Variants in CTNNA3 observed in about 807,000 individuals in gnomAD.
CTNNA3 encodes the protein catenin alpha-3.
CTNNA3 carries 76 observed loss-of-function variants against 95.7 expected under a neutral mutation model. That is an observed-to-expected ratio of 0.79 (90% CI 0.66 to 0.96). The LOEUF (loss-of-function observed/expected upper bound fraction) is 0.96. Among genes scored for constraint, CTNNA3 ranks in the 40% least tolerant of loss-of-function variants. The pLI, the probability that CTNNA3 is intolerant of heterozygous loss-of-function variation, is 0.00. For missense variants in CTNNA3, 1,191 were observed against 1,089.8 expected (o/e 1.09, Z -1.31); for synonymous variants, 431 against 374.4 (o/e 1.15, Z -1.74).
intron 3 of CTNNA3, among the ~76,000 whole-genome samples, chr10:67,544,124 G>C (rs1724314266): frequency 6.6e-6 from 1 of 152,152 alleles, no homozygotes; most frequent in African/African-American, 2.4e-5. Context: ...GAATGTGGCT[G>C]CATATGGTTG....
chr10:66,262,563 A>C (rs2091037136), intron 13 of CTNNA3, among the ~76,000 whole-genome samples: 1 of 151,974 alleles, frequency 6.6e-6, no homozygotes, highest in Non-Finnish European at 1.5e-5. Flanking sequence ...CAAGTTTTAT[A>C]ACAACAGCCA....
intron 15 of CTNNA3, 150 bp downstream of exon 15, chr10:66,069,158 T>C: frequency 2.9e-6 from 2 of 700,988 alleles, no homozygotes; most frequent in Non-Finnish European, 4.8e-6. Flanking sequence ...ACCTCTAGAA[T>C]TGTACACCTA....
chr10:67,392,928 G>C (rs564897180), intron 5 of CTNNA3, among the ~76,000 whole-genome samples: 9 of 152,240 alleles, frequency 5.9e-5, no homozygotes. Context: ...AAGCAGGAGG[G>C]ATAGCATTGG....
intron 7 of CTNNA3, among the ~76,000 whole-genome samples, chr10:67,045,705 C>T (rs1854696087): frequency 6.6e-6 from 1 of 152,076 alleles, no homozygotes; most frequent in Non-Finnish European, 1.5e-5. Flanking sequence ...GCGGGGATAG[C>T]GGGGGACCGA....
At chr10:67,364,007 G>T (rs544282328) in intron 5 of CTNNA3, among the ~76,000 whole-genome samples, 4 of 152,248 alleles carry the variant, frequency 2.6e-5, no homozygotes, top group African/African-American at 9.6e-5. Context: ...CCAAAGCCTG[G>T]CAGAGACACA....
intron 3 of CTNNA3, among the ~76,000 whole-genome samples, chr10:67,558,837 C>T (rs1029041013): frequency 1.3e-5 from 2 of 152,214 alleles, no homozygotes; most frequent in African/African-American, 4.8e-5. Context: ...GAGATTATAT[C>T]CCGCACATGG....
chr10:66,881,572 A>G (rs1478098415), intron 7 of CTNNA3, among the ~76,000 whole-genome samples: 1 of 152,126 alleles, frequency 6.6e-6, no homozygotes, highest in African/African-American at 2.4e-5. Context: ...CAAATAAATA[A>G]TAACTTTAGA....
intron 12 of CTNNA3, among the ~76,000 whole-genome samples, chr10:66,370,088 T>A (rs2092742959): frequency 6.6e-6 from 1 of 152,180 alleles, no homozygotes; most frequent in South Asian, 2.1e-4. Context: ...TCACATGGTT[T>A]ATGTTCTCTC....
intron 7 of CTNNA3, among the ~76,000 whole-genome samples, chr10:66,946,142 T>G (rs967342397): frequency 1.3e-5 from 2 of 152,180 alleles, no homozygotes; most frequent in African/African-American, 4.8e-5. Flanking sequence ...GTAAAAATCA[T>G]AATATCTGCA....
At chr10:67,240,088 A>C (rs1865662066) in intron 5 of CTNNA3, among the ~76,000 whole-genome samples, 1 of 152,210 alleles carries the variant, frequency 6.6e-6, no homozygotes, top group Admixed American at 6.5e-5. Context: ...AGCTACATAC[A>C]AATTACTGAG....
chr10:66,910,287 G>C (rs1022905330), intron 7 of CTNNA3, among the ~76,000 whole-genome samples: 1 of 152,290 alleles, frequency 6.6e-6, no homozygotes, highest in Admixed American at 6.5e-5. Flanking sequence ...TGCAAGTAAT[G>C]ACAAAAGGGT....
At chr10:66,168,352 T>C (rs1408302830) in intron 13 of CTNNA3, among the ~76,000 whole-genome samples, 2 of 53,342 alleles carry the variant, frequency 3.7e-5, no homozygotes, top group African/African-American at 1.5e-4. Flanking sequence ...AGGTATCCAT[T>C]TATTATTTTT....
chr10:67,562,282 T>G (rs1841545212), intron 3 of CTNNA3, among the ~76,000 whole-genome samples: 1 of 152,162 alleles, frequency 6.6e-6, no homozygotes, highest in South Asian at 2.1e-4. Context: ...ATCAAAAAGC[T>G]TATCCACCAT....
At chr10:65,963,497 C>T (rs1186455638) in intron 17 of CTNNA3, among the ~76,000 whole-genome samples, 1 of 152,218 alleles carries the variant, frequency 6.6e-6, no homozygotes, top group Non-Finnish European at 1.5e-5. Context: ...CTTGCCTGCT[C>T]TGCACATCAA....
intron 9 of CTNNA3, among the ~76,000 whole-genome samples, chr10:66,752,295 G>C (rs1238521710): frequency 6.6e-6 from 1 of 152,078 alleles, no homozygotes; most frequent in East Asian, 1.9e-4. Flanking sequence ...CACACATATA[G>C]GCCAATAGAT....
At chr10:66,336,967 G>A (rs1450342060) in intron 12 of CTNNA3, among the ~76,000 whole-genome samples, 2 of 152,016 alleles carry the variant, frequency 1.3e-5, no homozygotes, top group Admixed American at 1.3e-4. Context: ...GCTGCATGAA[G>A]TGCAGTATAA....
rs2092256181 is a variant in CTNNA3 at position 66,326,489 on chromosome 10, G to A, written c.1733-45868C>T. Among the ~76,000 whole-genome samples, 3 of 152,050 alleles carry A rather than the reference G, an allele frequency of 2.0e-5. No homozygotes were observed. The South Asian group carries it at 6.2e-4, about 31-fold the overall frequency. On this transcript the variant is annotated intron_variant, in intron 12 of 17. Coordinates refer to ENST00000433211, the MANE Select transcript of CTNNA3 (RefSeq NM_013266.4). Reference sequence around the variant, plus strand: ...TTAAATGTGTTCAGAGTTAGGTTCAGTATAGGTATATAAGGCATGAGTCAT... The same window carrying A: ...TTAAATGTGTTCAGAGTTAGGTTCAATATAGGTATATAAGGCATGAGTCAT...
At position 67,025,821 on chromosome 10, in the gene CTNNA3, C is replaced by T. The variant is rs537179197; in HGVS notation, c.1047+154496G>A. On this transcript the variant is annotated intron_variant, in intron 7 of 17. Transcript: ENST00000433211. ...GACACATGCACACGTATGATTATTGCGGCACTATTCACAATAGCAAAGACT... is the reference window on the plus strand; with the variant it reads ...GACACATGCACACGTATGATTATTGTGGCACTATTCACAATAGCAAAGACT... Among the ~76,000 whole-genome samples the T allele has an allele frequency of 5.9e-5, 9 of 151,738 alleles. No individual in the cohort carries two copies. The South Asian group carries it at 8.3e-4, about 14-fold the overall frequency.
intron 13 of CTNNA3, among the ~76,000 whole-genome samples, chr10:66,205,708 G>T (rs1290736317): frequency 6.6e-6 from 1 of 151,910 alleles, no homozygotes; most frequent in Non-Finnish European, 1.5e-5. Context: ...GTTAATTGAT[G>T]CATACCAGCG....
Sources: gnomAD v4.1 joint callset for allele counts (sites outside exome capture counted in the v4.1 genomes callset) on GRCh38, gnomAD v4.1.1 for gene constraint, MANE v1.5 for transcripts, NCBI Gene and HGNC (gene_info 2026-07-23, HGNC 2026-07-21) for gene names.